PPIL6: variants seen among roughly 807,000 people sequenced by gnomAD.
PPIL6 encodes the protein probable inactive peptidyl-prolyl cis-trans isomerase-like 6.
Under a neutral mutation model 36.8 loss-of-function variants are expected in PPIL6, and 39 were observed. The ratio of observed to expected loss-of-function variants is 1.06; its 90% confidence interval spans 0.82 to 1.38. The LOEUF (loss-of-function observed/expected upper bound fraction) is 1.38. Among genes scored for constraint, PPIL6 ranks in the 40% most tolerant of loss-of-function variants. PPIL6 has a pLI of 0.00. For missense variants in PPIL6, 368 were observed against 379.1 expected, an observed-to-expected ratio of 0.97 and a Z score of 0.24; for synonymous variants, 123 against 134.1, an observed-to-expected ratio of 0.92 and a Z score of 0.57.
rs1774801937 is a variant in PPIL6 at position 109,440,624 on chromosome 6, AC to A, written c.-35del. 8.3e-7 allele frequency: 1 copy of A among 1,211,864 alleles called. No individual in the cohort carries two copies. Among genetic ancestry groups the A allele is most frequent in the South Asian group, 3.9e-5 (1 of 25,882 alleles). The allele number at this position is 1,211,864 out of a possible 1,614,324, so 75.1% of individuals were successfully genotyped here. On this transcript the variant is annotated 5_prime_UTR_variant, in exon 1 of 8. The change creates a new upstream start codon in the 5' untranslated region. Coordinates refer to ENST00000521072, the MANE Select transcript of PPIL6 (RefSeq NM_173672.5). ...CCGGGGACGCCCGGTGACCCCAAACACTGCGCGTCGCTCCGGCAACCGCGCG... is the reference window on the plus strand; with the variant it reads ...CCGGGGACGCCCGGTGACCCCAAACATGCGCGTCGCTCCGGCAACCGCGCG...
intron 6 of PPIL6, among the ~76,000 whole-genome samples, chr6:109,404,110 T>C (rs919480450): frequency 6.6e-6 from 1 of 152,178 alleles, no homozygotes; most frequent in Non-Finnish European, 1.5e-5. Context: ...TGGGACTCCA[T>C]GGGCACAGTG....
At chr6:109,427,290 C>T (rs912637544) in intron 3 of PPIL6, 134 bp from the exon 4 acceptor site, 3 of 559,486 alleles carry the variant, frequency 5.4e-6, no homozygotes, top group African/African-American at 1.9e-5. Context: ...GATAATATTA[C>T]AGTAAAATTA....
Position 109,431,169 on chromosome 6 carries a change from TA to T in PPIL6, c.407del (p.Leu136Ter), listed in dbSNP as rs1562272606. 3 of 1,608,874 alleles carry T rather than the reference TA, an allele frequency of 1.9e-6. No homozygotes were observed. On this transcript the variant is annotated frameshift_variant, in exon 3 of 8. Coordinates refer to ENST00000521072, the MANE Select transcript of PPIL6 (RefSeq NM_173672.5). LOFTEE classifies it high-confidence loss of function. ...TAGTATAACTTGCCTTGGTGTCTCT[TA>T]AGAACTTAGCGGAAAAATCCTCAGT... is the stretch of plus-strand genomic sequence containing the variant. ...ALTEDFSAKF[L>X]RDTKHDFVFL...
chr6:109,427,639 G>T (rs984857265), intron 3 of PPIL6, among the ~76,000 whole-genome samples: 2 of 152,092 alleles, frequency 1.3e-5, no homozygotes, highest in Non-Finnish European at 2.9e-5. Flanking sequence ...GCCTACCTTG[G>T]CCTCTCAAAG....
intron 3 of PPIL6, among the ~76,000 whole-genome samples, chr6:109,429,240 C>A (rs1258475798): frequency 1.3e-5 from 2 of 152,204 alleles, no homozygotes; most frequent in Non-Finnish European, 2.9e-5. Context: ...ATGCTGCTAT[C>A]CAATCCCCTG....
At chr6:109,401,397 T>C (rs1056981875) in intron 6 of PPIL6, among the ~76,000 whole-genome samples, 4 of 152,172 alleles carry the variant, frequency 2.6e-5, no homozygotes, top group African/African-American at 9.7e-5. Flanking sequence ...TTCAATAACT[T>C]CATAAATTTC....
intron 1 of PPIL6, among the ~76,000 whole-genome samples, chr6:109,438,833 C>T (rs1038312199): frequency 3.3e-5 from 5 of 152,206 alleles, no homozygotes; most frequent in African/African-American, 9.6e-5. Flanking sequence ...GTGATCTGCC[C>T]GCCTCAGCCT....
chr6:109,408,058 G>A (rs1772873351), intron 6 of PPIL6, among the ~76,000 whole-genome samples: 1 of 152,224 alleles, frequency 6.6e-6, no homozygotes, highest in Admixed American at 6.5e-5. Context: ...ATTTGGTTGT[G>A]TGAAATTCAT....
chr6:109,414,477 C>CTTTTTTTTTTTTT (rs146541023), intron 6 of PPIL6, among the ~76,000 whole-genome samples: 3 of 86,512 alleles, frequency 3.5e-5, no homozygotes, highest in Non-Finnish European at 6.0e-5. Context: ...TGTCTTTTAG[C>CTTTTTTTTTTTTT]TTTTTTTTTT....
At chr6:109,429,962 G>A (rs962457042) in intron 3 of PPIL6, among the ~76,000 whole-genome samples, 1 of 152,136 alleles carries the variant, frequency 6.6e-6, no homozygotes, top group Non-Finnish European at 1.5e-5. Flanking sequence ...CCTCCTTGCT[G>A]TCCCCCTGCC....
chr6:109,424,101 G>A (rs1460843405), intron 5 of PPIL6, among the ~76,000 whole-genome samples: 3 of 152,180 alleles, frequency 2.0e-5, no homozygotes, highest in Non-Finnish European at 2.9e-5. Flanking sequence ...GGAGTAGGAG[G>A]GTGGCAGGAG....
At position 109,413,969 on chromosome 6, in the gene PPIL6, G is replaced by C. The variant is rs780828904; in HGVS notation, c.688+5218C>G. 1.3e-5 allele frequency among the ~76,000 whole-genome samples: 2 copies of C among 152,084 alleles called. No homozygotes were observed. The highest frequency in any genetic ancestry group is 2.9e-5 in the Non-Finnish European group (2 of 68,026). ...AGGATGGTTACCAGAAACTGGGAAGGGTAGTGAGGGTTAAAGGAGGGTGGT... is the reference window on the plus strand; with the variant it reads ...AGGATGGTTACCAGAAACTGGGAAGCGTAGTGAGGGTTAAAGGAGGGTGGT... On this transcript the variant is annotated intron_variant, in intron 6 of 7. Transcript: ENST00000521072. This position sits in a 1 kb window ranked among gnomAD's most constrained non-coding sequence, Gnocchi z 4.6.
intron 7 of PPIL6, 54 bp from the exon 8 acceptor site, chr6:109,392,991 G>T: frequency 9.6e-7 from 1 of 1,040,220 alleles, no homozygotes; most frequent in Non-Finnish European, 1.5e-6. Flanking sequence ...TTCATATTTA[G>T]CTTAACATTC....
intron 1 of PPIL6, 93 bp from the exon 2 acceptor site, chr6:109,436,292 TA>T (rs1774444961): frequency 2.7e-6 from 2 of 745,948 alleles, no homozygotes; most frequent in Non-Finnish European, 4.6e-6. Context: ...CCAGAAGTTT[TA>T]TACAACACAA....
rs201051164 is a variant in PPIL6, at chr6:109,426,989, G to A, written c.489C>T (p.Tyr163=). 6.2e-7 allele frequency: 1 copy of A among 1,606,186 alleles called. No individual in the cohort carries two copies. The highest frequency in any genetic ancestry group is 1.3e-5 in the African/African-American group (1 of 74,782). ...TACATGTTTTGGGACACACATCACAGTATAGCTACAAAATAAAGACAAAAG... is the reference window on the plus strand; with the variant it reads ...TACATGTTTTGGGACACACATCACAATATAGCTACAAAATAAAGACAAAAG... ...SPIGRLIFEL[Y]CDVCPKTCKN... Residue 163 remains tyrosine, a synonymous_variant, in exon 5 of 8, where the codon TAC becomes TAT. Coordinates refer to ENST00000521072, the MANE Select transcript of PPIL6 (RefSeq NM_173672.5).
In PPIL6 at chr6:109,392,084, T is replaced by TA. The variant is rs1390128598; in HGVS notation, c.*741dup. The stretch of plus-strand genomic sequence containing the variant: ...TAAACAACACAACACAGGGCTCTGT[T>TA]AGTCTCCTATAATAAGAAGTCCAGA... On this transcript the variant is annotated 3_prime_UTR_variant, in exon 8 of 8. Transcript: ENST00000521072. 6 of 152,228 alleles carry TA rather than the reference T, an allele frequency of 3.9e-5. No homozygotes were observed. In the East Asian group the frequency reaches 9.6e-4, roughly 24 times the overall value. 9.4% of individuals were successfully genotyped at this position (152,228 alleles called of 1,614,324 possible). A position where few individuals can be genotyped will look rare whatever the true frequency, so the allele number is the denominator to read the frequency against.
intron 6 of PPIL6, among the ~76,000 whole-genome samples, chr6:109,409,343 C>T (rs7751929): frequency 0.051 from 7,702 of 152,204 alleles, 362 homozygotes; most frequent in East Asian, 0.2. Context: ...AGGCGGATCA[C>T]TTGAGGTCAG....
chr6:109,395,722 A>G (rs1167353184), intron 7 of PPIL6, among the ~76,000 whole-genome samples: 2 of 149,780 alleles, frequency 1.3e-5, no homozygotes, highest in African/African-American at 5.0e-5. Context: ...CTCCTGCCTC[A>G]GCCTCCCGAG....
At chr6:109,418,690 C>T (rs915894370) in intron 6 of PPIL6, among the ~76,000 whole-genome samples, 2 of 151,762 alleles carry the variant, frequency 1.3e-5, no homozygotes, top group Admixed American at 6.6e-5. Flanking sequence ...GGGAGGCGTG[C>T]GCCATCATGC....
Sources: allele counts gnomAD v4.1 joint callset (sites outside exome capture counted in the v4.1 genomes callset), GRCh38; gene constraint gnomAD v4.1.1; non-coding constraint Gnocchi (gnomAD v3.1); transcripts MANE v1.5; gene names NCBI Gene and HGNC (gene_info 2026-07-23, HGNC 2026-07-21).